The following GRIP1 variants were observed in gnomAD, a reference collection of about 807,000 sequenced individuals.
GRIP1 encodes the protein glutamate receptor interacting protein 1.
In GRIP1, 45 loss-of-function variants were observed where a neutral mutation model predicts 129.9. The ratio of observed to expected loss-of-function variants is 0.35; its 90% confidence interval spans 0.27 to 0.44. The LOEUF is 0.44. GRIP1 is among the 20% of genes least tolerant of loss of function. The pLI, the probability that GRIP1 is intolerant of heterozygous loss-of-function variation, is 1.00. For synonymous variants in GRIP1, 530 were observed against 520.8 expected (o/e 1.02, Z -0.24); for missense variants, 1,196 against 1,396.8 (o/e 0.86, Z 2.29).
intron 1 of GRIP1, among the ~76,000 whole-genome samples, chr12:66,689,833 C>T (rs1373288563): frequency 6.6e-6 from 1 of 152,110 alleles, no homozygotes; most frequent in Admixed American, 6.6e-5. Flanking sequence ...TTCCCCCACT[C>T]CCAGACCTCT....
intron 2 of GRIP1, among the ~76,000 whole-genome samples, chr12:66,558,975 T>C (rs1409175428): frequency 2.0e-5 from 3 of 151,950 alleles, no homozygotes; most frequent in Admixed American, 2.0e-4. Flanking sequence ...AAAACATCAT[T>C]CATCATGACC....
intron 1 of GRIP1, among the ~76,000 whole-genome samples, chr12:66,841,107 G>A (rs1029633751): frequency 1.3e-5 from 2 of 152,000 alleles, no homozygotes; most frequent in African/African-American, 4.8e-5. Flanking sequence ...ATTTTTATCT[G>A]CAAAATCTGG....
At position 66,348,368 on chromosome 12, in the gene GRIP1, C is replaced by CTGTT. The variant is rs200677568; in HGVS notation, c.*647_*650dup. On this transcript the variant is annotated 3_prime_UTR_variant, in exon 25 of 25. Transcript: ENST00000359742. ...AAAAAAACAGGTCACAAGACATATC[C>CTGTT]TGTTTGATAATTTGTTGCATAGGGA... 0.026 allele frequency: 3,949 copies of CTGTT among 152,488 alleles called. 184 individuals carry two copies. Among genetic ancestry groups the CTGTT allele is most frequent in the African/African-American group, 0.088 (3,657 of 41,370 alleles). 9.4% of individuals were successfully genotyped at this position (152,488 alleles called of 1,614,324 possible). A position where few individuals can be genotyped will look rare whatever the true frequency, so the allele number is the denominator to read the frequency against.
intron 1 of GRIP1, among the ~76,000 whole-genome samples, chr12:67,067,616 G>A (rs571623340): frequency 6.6e-6 from 1 of 152,140 alleles, no homozygotes. Context: ...ATCTAATAAG[G>A]AGGTGCTTAA....
At chr12:66,684,584 C>T (rs777678271) in intron 1 of GRIP1, among the ~76,000 whole-genome samples, 2 of 152,172 alleles carry the variant, frequency 1.3e-5, no homozygotes, top group Non-Finnish European at 2.9e-5. Context: ...GTGGCTCATA[C>T]CTGTAATGCC....
chr12:66,774,609 TTC>T (rs747764188), intron 1 of GRIP1, among the ~76,000 whole-genome samples: 1 of 152,152 alleles, frequency 6.6e-6, no homozygotes, highest in Non-Finnish European at 1.5e-5. Flanking sequence ...CTTTGGAGAT[TTC>T]TTTTTACCAC....
At chr12:66,921,979 G>A (rs1296858684) in intron 1 of GRIP1, among the ~76,000 whole-genome samples, 2 of 152,170 alleles carry the variant, frequency 1.3e-5, no homozygotes, top group Non-Finnish European at 2.9e-5. Context: ...AGAAAAAGGG[G>A]AATGTTGCTT....
chr12:66,954,844 T>C (rs2041813953), intron 1 of GRIP1, among the ~76,000 whole-genome samples: 1 of 151,466 alleles, frequency 6.6e-6, no homozygotes, highest in Non-Finnish European at 1.5e-5. Flanking sequence ...ATACGTGCTA[T>C]GGGGGAGGCA....
chr12:66,375,476 T>C (rs567667010), intron 22 of GRIP1, among the ~76,000 whole-genome samples: 117 of 152,332 alleles, frequency 7.7e-4, no homozygotes, highest in Middle Eastern at 3.4e-3. Flanking sequence ...TTTTGTATAA[T>C]AGCATTTCCA....
intron 1 of GRIP1, among the ~76,000 whole-genome samples, chr12:67,040,771 A>G (rs758154130): frequency 3.5e-4 from 54 of 152,194 alleles, no homozygotes; most frequent in Non-Finnish European, 7.2e-4. Flanking sequence ...AATGTGCTCA[A>G]TAAAGGTTGG....
intron 1 of GRIP1, among the ~76,000 whole-genome samples, chr12:66,813,963 T>C (rs1204385315): frequency 6.6e-6 from 1 of 152,140 alleles, no homozygotes; most frequent in Non-Finnish European, 1.5e-5. Flanking sequence ...TCAAGCATGA[T>C]TCTTTGACTT....
chr12:66,725,933 G>T (rs1269217773), intron 1 of GRIP1, among the ~76,000 whole-genome samples: 1 of 152,046 alleles, frequency 6.6e-6, no homozygotes, highest in Non-Finnish European at 1.5e-5. Context: ...AGGAAAACAT[G>T]CTCAGAGACA....
chr12:66,751,071 A>G lies in GRIP1; in HGVS notation c.-420+52982T>C, dbSNP rs528067369. ...ACATTCATTTAAAAAAATTTTTTTA[A>G]GTTAAAATAAAAGTAGTGCCCAAGT... On this transcript the variant is annotated intron_variant, in intron 1 of 4. Transcript: ENST00000538373. 1.3e-3 allele frequency among the ~76,000 whole-genome samples: 193 copies of G among 152,318 alleles called. 1 individual carries two copies. The highest frequency in any genetic ancestry group is 2.5e-3 in the Non-Finnish European group (167 of 68,026).
chr12:66,774,526 A>T lies in GRIP1; in HGVS notation c.-420+29527T>A, dbSNP rs571404715. Among the ~76,000 whole-genome samples, 3 of 152,350 alleles carry T rather than the reference A, an allele frequency of 2.0e-5. No homozygotes were observed. The South Asian group carries it at 6.2e-4, about 32-fold the overall frequency. On this transcript the variant is annotated intron_variant, in intron 1 of 4. Transcript: ENST00000538373. ...ACACACTTGTCTTAATATGTAAAAC[A>T]TTATTAATATGCACAGGCCTAAGCA...
At chr12:67,046,923 T>C (rs1037110542) in intron 1 of GRIP1, among the ~76,000 whole-genome samples, 2 of 152,344 alleles carry the variant, frequency 1.3e-5, no homozygotes, top group African/African-American at 4.8e-5. Context: ...TATATATTAC[T>C]GTACTCTTTA....
At chr12:66,464,405 C>T (rs2059223388) in intron 8 of GRIP1, among the ~76,000 whole-genome samples, 1 of 151,776 alleles carries the variant, frequency 6.6e-6, no homozygotes, top group African/African-American at 2.4e-5. Context: ...TTTAAGACAC[C>T]CTCGAAGGTT....
intron 1 of GRIP1, among the ~76,000 whole-genome samples, chr12:66,761,800 C>T (rs576552762): frequency 2.6e-5 from 4 of 152,274 alleles, no homozygotes; most frequent in South Asian, 4.1e-4. Context: ...AAGAATCAAA[C>T]CCCAGCTTCC....
intron 19 of GRIP1, among the ~76,000 whole-genome samples, chr12:66,380,828 A>C (rs2056072483): frequency 6.6e-6 from 1 of 151,974 alleles, no homozygotes; most frequent in Non-Finnish European, 1.5e-5. Context: ...TCAGGTTGTG[A>C]CTTGTGTGTG....
In GRIP1 at chr12:66,593,991, C is replaced by T. The variant is rs145583708; in HGVS notation, c.136+2856G>A. ...GCTGAGGCAGGAGAATGGTGTGAAC[C>T]CGGGAGGTGGAGCTTGCAGTGAGCC... On this transcript the variant is annotated intron_variant, in intron 2 of 24. Transcript: ENST00000359742. 4.7e-3 allele frequency among the ~76,000 whole-genome samples: 665 copies of T among 142,604 alleles called. 7 individuals are homozygous for T. The highest frequency in any genetic ancestry group is 0.017 in the African/African-American group (642 of 37,796). 93.6% of individuals were successfully genotyped at this position (142,604 alleles called of 152,430 possible). A position where few individuals can be genotyped will look rare whatever the true frequency, so the allele number is the denominator to read the frequency against.
Sources: gnomAD v4.1 joint callset for allele counts (sites outside exome capture counted in the v4.1 genomes callset) on GRCh38, gnomAD v4.1.1 for gene constraint, MANE v1.5 for transcripts, NCBI Gene and HGNC (gene_info 2026-07-23, HGNC 2026-07-21) for gene names.